GRM8: variants seen among roughly 807,000 people sequenced by gnomAD.
GRM8 encodes glutamate metabotropic receptor 8.
In GRM8, 47 loss-of-function variants were observed where a neutral mutation model predicts 87.2. That is an observed-to-expected ratio of 0.54 (90% CI 0.43 to 0.69). GRM8 has a LOEUF of 0.69. GRM8 is among the 30% of genes least tolerant of loss of function. GRM8 has a pLI of 0.00. For missense variants in GRM8, 1,019 were observed against 1,139.2 expected (o/e 0.89, Z 1.52); for synonymous variants, 396 against 404.5 (o/e 0.98, Z 0.25).
chr7:126,533,887 C>A lies in GRM8; in HGVS notation c.1495G>T (p.Val499Leu), dbSNP rs1815258004. The change falls in exon 9 of 11, where the codon GTG (valine) becomes TTG (leucine). Residue 499 changes from valine (V) to leucine (L), a missense_variant and splice_region_variant. Val to Leu is a conservative substitution (Grantham distance 32). Coordinates refer to ENST00000339582, the MANE Select transcript of GRM8 (RefSeq NM_000845.3). ...CTATGAGCCCACTGCATGTCTTCCA[C>A]CTGTGGGTATAAAAAATTAATGAGC... The part of the protein sequence containing the change: ...GHWTNQLHLK[V>L]EDMQWAHREH... 1 of 1,599,858 alleles carries A rather than the reference C, an allele frequency of 6.3e-7. No individual in the cohort carries two copies. Among genetic ancestry groups the A allele is most frequent in the Non-Finnish European group, 8.5e-7 (1 of 1,172,564 alleles).
chr7:126,593,308 T>A (rs1335729271), intron 8 of GRM8, among the ~76,000 whole-genome samples: 2 of 151,968 alleles, frequency 1.3e-5, no homozygotes, highest in African/African-American at 4.8e-5. Flanking sequence ...CAACACAATC[T>A]GGAGTGAAAA....
chr7:126,653,349 C>A (rs1172180239), intron 7 of GRM8, among the ~76,000 whole-genome samples: 1 of 146,620 alleles, frequency 6.8e-6, no homozygotes, highest in South Asian at 2.2e-4. Flanking sequence ...CTAAAACAGG[C>A]AATTCAATAT....
At position 126,709,423 on chromosome 7, in the gene GRM8, AGAG is replaced by A. The variant is rs529826860; in HGVS notation, c.1357+60439_1357+60441del. ...AGAAAAAAGAAAAAGAAGAAAAAGA[AGAG>A]GAGGAGGAGGAGGAGGAAGAAGAGG... On this transcript the variant is annotated intron_variant, in intron 7 of 10. Coordinates refer to ENST00000339582, the MANE Select transcript of GRM8 (RefSeq NM_000845.3). 2.2e-3 allele frequency among the ~76,000 whole-genome samples: 339 copies of A among 151,994 alleles called. 1 individual carries two copies. The highest frequency in any genetic ancestry group is 3.7e-3 in the African/African-American group (155 of 41,476).
At chr7:126,683,001 A>T (rs1807775077) in intron 7 of GRM8, among the ~76,000 whole-genome samples, 2 of 152,278 alleles carry the variant, frequency 1.3e-5, no homozygotes, top group African/African-American at 4.8e-5. Flanking sequence ...GTGAACCTAG[A>T]TCGTGCCACT....
intron 9 of GRM8, among the ~76,000 whole-genome samples, chr7:126,473,353 T>A (rs1055938966): frequency 6.6e-6 from 1 of 152,166 alleles, no homozygotes; most frequent in Non-Finnish European, 1.5e-5. Context: ...TCAAAGGAGA[T>A]CATTTTGGAG....
chr7:127,040,579 T>A (rs3808126), intron 3 of GRM8, among the ~76,000 whole-genome samples: 41,279 of 148,898 alleles, frequency 0.28, 6,254 homozygotes, highest in African/African-American at 0.42. Flanking sequence ...ATAACTGTCC[T>A]GCAAGTTACT....
chr7:126,834,922 A>C (rs939925828), intron 6 of GRM8, among the ~76,000 whole-genome samples: 5 of 151,802 alleles, frequency 3.3e-5, no homozygotes, highest in African/African-American at 7.3e-5. Flanking sequence ...AAAATAACTA[A>C]AAAATTAGCC....
At position 126,568,528 on chromosome 7, in the gene GRM8, T is replaced by C. The variant is rs557070640; in HGVS notation, c.1495-34641A>G. ...TCTCTCTCCCTCTGTCTCTCACCTC[T>C]GCAGACTATTATTTAAACTTCATAT... On this transcript the variant is annotated intron_variant, in intron 8 of 10. Transcript: ENST00000339582. 2.6e-5 allele frequency among the ~76,000 whole-genome samples: 4 copies of C among 152,240 alleles called. No individual in the cohort carries two copies. In the South Asian group the frequency reaches 8.3e-4, roughly 32 times the overall value.
In GRM8 at chr7:126,911,969, C is replaced by CA. The variant is rs145469774; in HGVS notation, c.728-7287dup. 5.8e-3 allele frequency among the ~76,000 whole-genome samples: 885 copies of CA among 152,160 alleles called. 4 individuals carry two copies. The highest frequency in any genetic ancestry group is 0.02 in the African/African-American group (839 of 41,502). On this transcript the variant is annotated intron_variant, in intron 3 of 10. Coordinates refer to ENST00000339582, the MANE Select transcript of GRM8 (RefSeq NM_000845.3). Reference sequence around the variant, plus strand: ...CAGCACTTTGAGAGGCCAAGGCAGGCAGATCAAGAGATCAGGAGATCAAGA... The same window carrying CA: ...CAGCACTTTGAGAGGCCAAGGCAGGCAAGATCAAGAGATCAGGAGATCAAGA...
chr7:126,526,379 TCA>T (rs1662721595), intron 9 of GRM8, among the ~76,000 whole-genome samples: 1 of 151,848 alleles, frequency 6.6e-6, no homozygotes, highest in Admixed American at 6.5e-5. Flanking sequence ...GATTTTTCAA[TCA>T]TATTCAGAAA....
At chr7:127,040,877 A>T (rs1458458476) in intron 3 of GRM8, among the ~76,000 whole-genome samples, 1 of 152,228 alleles carries the variant, frequency 6.6e-6, no homozygotes, top group East Asian at 1.9e-4. Flanking sequence ...AGAGAATGGG[A>T]AAAACAAACA....
chr7:127,084,035 A>G (rs1287952166), intron 3 of GRM8, among the ~76,000 whole-genome samples: 1 of 152,232 alleles, frequency 6.6e-6, no homozygotes, highest in Non-Finnish European at 1.5e-5. Context: ...AAACTTCTAG[A>G]GAATACATTT....
intron 2 of GRM8, among the ~76,000 whole-genome samples, chr7:127,159,064 G>T (rs1167143585): frequency 6.6e-6 from 1 of 152,182 alleles, no homozygotes; most frequent in Non-Finnish European, 1.5e-5. Flanking sequence ...CTTGCATTCA[G>T]GTTTGGTAAG....
intron 6 of GRM8, among the ~76,000 whole-genome samples, chr7:126,772,379 G>A (rs752104927): frequency 8.5e-5 from 13 of 152,062 alleles, no homozygotes; most frequent in East Asian, 1.9e-4. Context: ...ACTTGATAAC[G>A]GAAAATAAAG....
rs752210150 is a variant in GRM8, at chr7:126,904,038, C to T, written c.952G>A (p.Val318Ile). 1.2e-6 allele frequency: 2 copies of T among 1,605,244 alleles called. No homozygotes were observed. The highest frequency in any genetic ancestry group is 2.2e-5 in the South Asian group (2 of 90,786). The part of the protein sequence containing the change: ...SDSWGSKIAP[V>I]YQQEEIAEGA... The stretch of plus-strand genomic sequence containing the variant: ...TCTGCAATCTCCTCTTGCTGATAGA[C>T]AGGTGCTATTTTGGATCCCCAACTA... Residue 318 changes from valine to isoleucine, a missense_variant, in exon 5 of 11, where the codon GTC (valine) becomes ATC (isoleucine). By Grantham distance (29) the Val-to-Ile change is conservative. Transcript: ENST00000339582.
At chr7:127,154,010 G>T (rs1256411693) in intron 2 of GRM8, among the ~76,000 whole-genome samples, 1 of 152,046 alleles carries the variant, frequency 6.6e-6, no homozygotes, top group South Asian at 2.1e-4. Flanking sequence ...TGAGATGGCT[G>T]CCCAGTCACC....
At chr7:126,454,471 GC>G in intron 9 of GRM8, among the ~76,000 whole-genome samples, 1 of 151,006 alleles carries the variant, frequency 6.6e-6, no homozygotes, top group South Asian at 2.1e-4. Flanking sequence ...CAGTGCAGGT[GC>G]TTTTGCGGAG....
intron 3 of GRM8, among the ~76,000 whole-genome samples, chr7:126,909,631 C>A (rs144313212): frequency 6.6e-6 from 1 of 152,122 alleles, no homozygotes; most frequent in Non-Finnish European, 1.5e-5. Flanking sequence ...TTCCTTGCAG[C>A]CTGTGTATTT....
intron 6 of GRM8, among the ~76,000 whole-genome samples, chr7:126,778,261 G>A (rs537793522): frequency 1.3e-5 from 2 of 152,254 alleles, no homozygotes; most frequent in East Asian, 3.9e-4. Context: ...GGACACATGA[G>A]GAGACACTTG....
Sources: gnomAD v4.1 joint callset for allele counts (sites outside exome capture counted in the v4.1 genomes callset) on GRCh38, gnomAD v4.1.1 for gene constraint, MANE v1.5 for transcripts, NCBI Gene and HGNC (gene_info 2026-07-23, HGNC 2026-07-21) for gene names.